AMZ1: variants seen among roughly 807,000 people sequenced by gnomAD.
The protein encoded by AMZ1 is archaelysin family metallopeptidase 1.
AMZ1 carries 39 observed loss-of-function variants against 29.9 expected under a neutral mutation model. The observed-to-expected ratio is 1.30, with a 90% CI of 1.01 to 1.70. The LOEUF is 1.70. Ranked by LOEUF, AMZ1 falls within the 40% of genes most tolerant of loss-of-function variation. The pLI, the probability that AMZ1 is intolerant of heterozygous loss-of-function variation, is 0.00. For synonymous variants in AMZ1, 458 were observed against 304.0 expected (o/e 1.51, Z -5.27); for missense variants, 1,041 against 680.6 (o/e 1.53, Z -5.89).
At chr7:2,720,569 A>G (rs1306206145), downstream of AMZ1, among the ~76,000 whole-genome samples, 4 of 151,938 alleles carry the variant, frequency 2.6e-5, no homozygotes, top group Non-Finnish European at 5.9e-5. Flanking sequence ...AAGCCTGGCT[A>G]ATTTTTGTAT....
chr7:2,736,940 G>A (rs79410865), intron 4 of AMZ1, among the ~76,000 whole-genome samples: 2,539 of 152,284 alleles, frequency 0.017, 72 homozygotes, highest in African/African-American at 0.057. Flanking sequence ...CCAGACCCTC[G>A]AGATCAGTAC....
chr7:2,750,048 C>T lies in AMZ1; in HGVS notation n.551-14664C>T, dbSNP rs192352873. Reference sequence around the variant, plus strand: ...ATAAATTTACAGATTTCAAGAAGCTCCACAAATTCCAAATATGATAAGTAT... The same window carrying T: ...ATAAATTTACAGATTTCAAGAAGCTTCACAAATTCCAAATATGATAAGTAT... On this transcript the variant is annotated intron_variant and non_coding_transcript_variant, in intron 4 of 4. Transcript: ENST00000489665. Among the ~76,000 whole-genome samples the T allele has an allele frequency of 1.1e-3, 167 of 152,272 alleles. 2 individuals carry two copies. The highest frequency in any genetic ancestry group is 1.2e-3 in the Non-Finnish European group (81 of 68,016).
At chr7:2,682,874 C>A (rs981598193) in intron 1 of AMZ1, among the ~76,000 whole-genome samples, 1 of 152,236 alleles carries the variant, frequency 6.6e-6, no homozygotes, top group Non-Finnish European at 1.5e-5. Flanking sequence ...CGCACGGTTC[C>A]TTCCACCTGG....
chr7:2,754,036 C>G (rs547421974), intron 4 of AMZ1, among the ~76,000 whole-genome samples: 1 of 152,240 alleles, frequency 6.6e-6, no homozygotes, highest in African/African-American at 2.4e-5. Context: ...TTCAGCGTTA[C>G]TCTCTGCCAA....
At chr7:2,707,559 A>G in intron 3 of AMZ1, among the ~76,000 whole-genome samples, 1 of 151,964 alleles carries the variant, frequency 6.6e-6, no homozygotes, top group Middle Eastern at 3.2e-3. Flanking sequence ...GCTCCGGGGA[A>G]CCATGCTAAC....
At chr7:2,681,693 G>A (rs1031032326) in intron 1 of AMZ1, among the ~76,000 whole-genome samples, 1 of 152,130 alleles carries the variant, frequency 6.6e-6, no homozygotes, top group African/African-American at 2.4e-5. Context: ...TCGTCCCCAC[G>A]TGCCTGGTCC....
At position 2,712,689 on chromosome 7, in the gene AMZ1, C is replaced by T. The variant is rs1788871872; in HGVS notation, c.1308C>T (p.Ala436=). 1 of 1,612,470 alleles carries T rather than the reference C, an allele frequency of 6.2e-7. No individual in the cohort carries two copies. The highest frequency in any genetic ancestry group is 8.5e-7 in the Non-Finnish European group (1 of 1,179,660). The part of the protein sequence containing the change: ...DLVQVDRAVD[A]LDRWEMFTGQ... ...TGCAGGTGGACAGAGCCGTGGACGC[C>T]CTCGACCGCTGGGAGATGTTCACGG... Residue 436 remains alanine (A), a synonymous_variant, in exon 7 of 7, where the codon GCC becomes GCT. Transcript: ENST00000683327.
chr7:2,746,767 G>A (rs557526768), intron 4 of AMZ1, among the ~76,000 whole-genome samples: 69 of 151,836 alleles, frequency 4.5e-4, no homozygotes, highest in Admixed American at 3.7e-3. Context: ...CTGATAGACC[G>A]CTAGCAAGAC....
At chr7:2,680,640 A>G (rs977023040) in intron 1 of AMZ1, among the ~76,000 whole-genome samples, 1 of 152,206 alleles carries the variant, frequency 6.6e-6, no homozygotes, top group Non-Finnish European at 1.5e-5. Flanking sequence ...TGGCTCAGGA[A>G]GGTCTTGGCT....
At chr7:2,684,591 C>T (rs1488104496), upstream of AMZ1, among the ~76,000 whole-genome samples, 3 of 152,248 alleles carry the variant, frequency 2.0e-5, no homozygotes, top group African/African-American at 7.2e-5. Context: ...AGAATAGACT[C>T]TGACGAGGTA....
At chr7:2,708,740 T>TGCGTGGGGGGTAGCCTG in intron 4 of AMZ1, 24 bp downstream of exon 4, 1 of 1,611,564 alleles carries the variant, frequency 6.2e-7, no homozygotes, top group South Asian at 1.1e-5. Flanking sequence ...CCAGCAGCTG[T>TGCGTGGGGGGTAGCCTG]GCGTGGGGGG....
At chr7:2,720,622 C>A (rs887680721), downstream of AMZ1, among the ~76,000 whole-genome samples, 1 of 151,890 alleles carries the variant, frequency 6.6e-6, no homozygotes, top group Non-Finnish European at 1.5e-5. Flanking sequence ...CCAGGCTGGT[C>A]TTGAACTCCT....
intron 4 of AMZ1, among the ~76,000 whole-genome samples, chr7:2,735,723 ATC>A (rs948666176): frequency 6.6e-6 from 1 of 152,152 alleles, no homozygotes; most frequent in African/African-American, 2.4e-5. Context: ...AGGAAAACTT[ATC>A]TGTGACTCTC....
downstream of AMZ1, among the ~76,000 whole-genome samples, chr7:2,721,039 T>C (rs936489096): frequency 6.6e-6 from 1 of 152,184 alleles, no homozygotes; most frequent in Non-Finnish European, 1.5e-5. Flanking sequence ...CGGGCTGTCA[T>C]CGCTGGCTGC....
In AMZ1 at chr7:2,717,926, G is replaced by A. The variant is rs559985494; in HGVS notation, c.*5048G>A. 1.5e-3 allele frequency among the ~76,000 whole-genome samples: 225 copies of A among 152,340 alleles called. No homozygotes were observed. The highest frequency in any genetic ancestry group is 2.3e-3 in the Non-Finnish European group (159 of 68,030). ...TTCAGTCCAACTCTTCCCCGCTGCA[G>A]TGTTCCCGTGACGATGAGGCAAATC... On this transcript the variant is annotated 3_prime_UTR_variant, in exon 7 of 7. Coordinates refer to ENST00000683327, the MANE Select transcript of AMZ1 (RefSeq NM_001384743.1).
Position 2,737,274 on chromosome 7 carries a change from G to GTTTTGTTTTGTTT in AMZ1, n.551-27434_551-27433insGTTTTGTTTTTTT, listed in dbSNP as rs1790242698. Among the ~76,000 whole-genome samples the GTTTTGTTTTGTTT allele has an allele frequency of 2.1e-3, 73 of 35,018 alleles. 3 individuals carry two copies. Among genetic ancestry groups the GTTTTGTTTTGTTT allele is most frequent in the African/African-American group, 6.9e-3 (70 of 10,116 alleles). 23.0% of individuals were successfully genotyped at this position (35,018 alleles called of 152,430 possible). On this transcript the variant is annotated intron_variant and non_coding_transcript_variant, in intron 4 of 4. Coordinates refer to the AMZ1 transcript ENST00000489665. ...AGGAGCTATCTCACAGTTTTGTTTT[G>GTTTTGTTTTGTTT]TTTTTTTTTTTTTTGTTTTTTTTTT...
intron 3 of AMZ1, among the ~76,000 whole-genome samples, chr7:2,708,034 G>A (rs1788468985): frequency 6.6e-6 from 1 of 151,896 alleles, no homozygotes. Context: ...TGTTGGCCAG[G>A]CTGGTCTCGA....
intron 2 of AMZ1, 29 bp downstream of exon 2, chr7:2,700,784 C>A (rs753711438): frequency 1.2e-6 from 2 of 1,603,624 alleles, no homozygotes; most frequent in Non-Finnish European, 1.7e-6. Context: ...CATCGGCACG[C>A]TCCTGGGGGA....
Position 2,731,418 on chromosome 7 carries a change from C to A in AMZ1, n.550+21602C>A. On this transcript the variant is annotated intron_variant and non_coding_transcript_variant, in intron 4 of 4. Coordinates refer to the AMZ1 transcript ENST00000489665. The surrounding 1 kb of genome is among the most constrained non-coding windows in gnomAD (Gnocchi z 6.0). ...TCTTGATGCTCACGGTCTTCACCTT[C>A]TCCACCAGGAGGTCCATCTTGTTGA... The A allele has an allele frequency of 6.2e-7, 1 of 1,613,352 alleles. No individual in the cohort carries two copies. The highest frequency in any genetic ancestry group is 8.5e-7 in the Non-Finnish European group (1 of 1,179,444).
Sources: gnomAD v4.1 joint callset for allele counts (sites outside exome capture counted in the v4.1 genomes callset) on GRCh38, gnomAD v4.1.1 for gene constraint, Gnocchi (gnomAD v3.1) non-coding constraint, MANE v1.5 for transcripts, NCBI Gene and HGNC (gene_info 2026-07-23, HGNC 2026-07-21) for gene names.